Variants in TCEANC2 observed in about 807,000 individuals in gnomAD.
The protein encoded by TCEANC2 is transcription elongation factor A N-terminal and central domain-containing protein 2.
A neutral mutation model predicts 22.8 loss-of-function variants in TCEANC2; 20 were observed. That is an observed-to-expected ratio of 0.88 (90% confidence interval 0.62 to 1.28). TCEANC2 has a LOEUF of 1.28. Ranked by LOEUF, TCEANC2 falls within the 50% of genes most tolerant of loss-of-function variation. The probability of loss-of-function intolerance (pLI) is 0.00; values close to 1 mark genes in which losing one functional copy is unlikely to be tolerated. For synonymous variants in TCEANC2, 84 were observed against 95.5 expected (o/e 0.88, Z 0.70); for missense variants, 251 against 249.7 (o/e 1.01, Z -0.03).
chr1:54,088,599 C>G lies in TCEANC2; in HGVS notation c.247C>G (p.His83Asp). Residue 83 changes from histidine (H) to aspartate (D), a missense_variant and splice_region_variant, in exon 4 of 5, where the codon CAC becomes GAC. His to Asp is a moderately conservative substitution (Grantham distance 81). Coordinates refer to ENST00000234827, the MANE Select transcript of TCEANC2 (RefSeq NM_153035.3). ...REVLKSTRIGHTVNKMRKHSD... is the reference protein window; with the variant it reads ...REVLKSTRIGDTVNKMRKHSD... The stretch of plus-strand genomic sequence containing the variant: ...TGGTTTTTCTCTTCCTGTTCCAGGT[C>G]ACACTGTGAACAAGATGCGTAAACA... The G allele has an allele frequency of 6.3e-7, 1 of 1,598,210 alleles. No homozygotes were observed.
At chr1:54,082,372 T>C (rs1266793561) in intron 3 of TCEANC2, among the ~76,000 whole-genome samples, 1 of 152,210 alleles carries the variant, frequency 6.6e-6, no homozygotes, top group African/African-American at 2.4e-5. Flanking sequence ...TCTATCCATA[T>C]TCAAATGTCA....
At chr1:54,077,114 C>T (rs918569763) in intron 3 of TCEANC2, among the ~76,000 whole-genome samples, 3 of 152,112 alleles carry the variant, frequency 2.0e-5, no homozygotes, top group African/African-American at 7.2e-5. Context: ...TTAGAGAAAC[C>T]TTATCAGGGA....
chr1:54,093,698 A>G (rs1167712649), intron 4 of TCEANC2, among the ~76,000 whole-genome samples: 1 of 151,282 alleles, frequency 6.6e-6, no homozygotes, highest in Admixed American at 6.6e-5. Context: ...TATTTGCTGA[A>G]TGAAGTATGT....
intron 2 of TCEANC2, among the ~76,000 whole-genome samples, chr1:54,067,806 A>G (rs1657985685): frequency 6.6e-6 from 1 of 152,194 alleles, no homozygotes; most frequent in Non-Finnish European, 1.5e-5. Flanking sequence ...TATATGAGGA[A>G]TTTTCACAAT....
At chr1:54,088,831 A>C in intron 4 of TCEANC2, 41 bp downstream of exon 4, 1 of 1,397,988 alleles carries the variant, frequency 7.2e-7, no homozygotes, top group African/African-American at 1.5e-5. Context: ...TACCCATAAT[A>C]ATTAATTTTT....
chr1:54,054,081 G>A (rs1175762628), intron 1 of TCEANC2: 1 of 374,104 alleles, frequency 2.7e-6, no homozygotes, highest in Non-Finnish European at 4.6e-6. Flanking sequence ...GAGGGCTTAG[G>A]TGCACGCTCT....
chr1:54,074,367 G>A (rs149011925), intron 3 of TCEANC2, among the ~76,000 whole-genome samples: 5,278 of 152,228 alleles, frequency 0.035, 114 homozygotes, highest in Middle Eastern at 0.054. Context: ...GGAGGCTGAG[G>A]CAGGAGAATG....
Position 54,104,654 on chromosome 1 carries a change from G to C in TCEANC2, c.*8181G>C. 2.3e-6 allele frequency: 1 copy of C among 429,370 alleles called. No homozygotes were observed. The highest frequency in any genetic ancestry group is 1.6e-5 in the South Asian group (1 of 61,526). The allele number at this position is 429,370 out of a possible 1,614,324, so 26.6% of individuals were successfully genotyped here. A position where few individuals can be genotyped will look rare whatever the true frequency, so the allele number is the denominator to read the frequency against. On this transcript the variant is annotated 3_prime_UTR_variant, in exon 5 of 5. Transcript: ENST00000234827. ...CCTCCTGGGTTCAAGCTATTCTCCT[G>C]CCTCAGCCTCCCGAGTAACTGGGAT...
At chr1:54,073,152 A>G (rs1347368859) in intron 3 of TCEANC2, among the ~76,000 whole-genome samples, 5 of 151,988 alleles carry the variant, frequency 3.3e-5, no homozygotes, top group Non-Finnish European at 7.4e-5. Flanking sequence ...TGTTTTGTAG[A>G]GAAGGGGTCT....
downstream of TCEANC2, among the ~76,000 whole-genome samples, chr1:54,109,748 G>C (rs946868514): frequency 3.3e-5 from 5 of 152,188 alleles, no homozygotes; most frequent in African/African-American, 4.8e-5. Context: ...TCAGCCATGG[G>C]TTTTCATGGT....
intron 4 of TCEANC2, among the ~76,000 whole-genome samples, chr1:54,091,656 T>G (rs1039069780): frequency 2.0e-5 from 3 of 152,220 alleles, no homozygotes; most frequent in Non-Finnish European, 4.4e-5. Flanking sequence ...ATTATTTCCT[T>G]GTTCTTGGAA....
intron 4 of TCEANC2, among the ~76,000 whole-genome samples, chr1:54,095,275 G>C (rs753307018): frequency 6.6e-6 from 1 of 152,194 alleles, no homozygotes; most frequent in Admixed American, 6.5e-5. Flanking sequence ...TTTTTGCCTC[G>C]GCTTTGACAT....
chr1:54,075,835 G>A (rs1658133263), intron 3 of TCEANC2, among the ~76,000 whole-genome samples: 1 of 152,084 alleles, frequency 6.6e-6, no homozygotes, highest in Non-Finnish European at 1.5e-5. Context: ...CCAACATGGT[G>A]AAACCTTGTC....
intron 3 of TCEANC2, among the ~76,000 whole-genome samples, chr1:54,085,496 T>C (rs1658323535): frequency 6.6e-6 from 1 of 152,208 alleles, no homozygotes; most frequent in South Asian, 2.1e-4. Flanking sequence ...TAAAATTCCC[T>C]ATCCATTTTC....
At chr1:54,109,986 G>C (rs1242040289), downstream of TCEANC2, among the ~76,000 whole-genome samples, 1 of 152,202 alleles carries the variant, frequency 6.6e-6, no homozygotes, top group Non-Finnish European at 1.5e-5. Context: ...TGCCACAGGG[G>C]CCTCCAGACC....
intron 4 of TCEANC2, among the ~76,000 whole-genome samples, chr1:54,092,437 T>C (rs1435541950): frequency 1.3e-5 from 2 of 152,198 alleles, no homozygotes; most frequent in Non-Finnish European, 2.9e-5. Context: ...GTGTAGGATT[T>C]TGCTAATTAG....
At chr1:54,072,674 C>T (rs908312352) in intron 3 of TCEANC2, among the ~76,000 whole-genome samples, 1 of 152,108 alleles carries the variant, frequency 6.6e-6, no homozygotes, top group African/African-American at 2.4e-5. Context: ...GGATTACAGG[C>T]GTGAGCCATC....
intron 2 of TCEANC2, 53 bp downstream of exon 2, chr1:54,054,577 G>A: frequency 6.5e-7 from 1 of 1,530,028 alleles, no homozygotes; most frequent in Non-Finnish European, 8.8e-7. Flanking sequence ...ATAGCAAGGT[G>A]GTGCTAGAGG....
At chr1:54,093,733 C>CTT (rs34379281) in intron 4 of TCEANC2, among the ~76,000 whole-genome samples, 1 of 140,874 alleles carries the variant, frequency 7.1e-6, no homozygotes, top group African/African-American at 2.6e-5. Context: ...TCTCAGAGTA[C>CTT]TTTTTTTTTT....
Sources: gnomAD v4.1 joint callset for allele counts (sites outside exome capture counted in the v4.1 genomes callset) on GRCh38, gnomAD v4.1.1 for gene constraint, MANE v1.5 for transcripts, NCBI Gene and HGNC (gene_info 2026-07-23, HGNC 2026-07-21) for gene names.